GPC6: variants seen among roughly 807,000 people sequenced by gnomAD.
GPC6 encodes the protein glypican 6.
A neutral mutation model predicts 55.2 loss-of-function variants in GPC6; 14 were observed. The observed-to-expected ratio is 0.25, with a 90% CI of 0.17 to 0.40. GPC6 has a LOEUF of 0.40. Among genes scored for constraint, GPC6 ranks in the 10% least tolerant of loss-of-function variants. GPC6 has a pLI of 1.00. For missense variants in GPC6, 641 were observed against 708.5 expected (o/e 0.90, Z 1.08); for synonymous variants, 278 against 259.6 (o/e 1.07, Z -0.68).
At chr13:93,823,574 G>C (rs1230759829) in intron 2 of GPC6, among the ~76,000 whole-genome samples, 1 of 152,090 alleles carries the variant, frequency 6.6e-6, no homozygotes. Flanking sequence ...CTTGAAATTA[G>C]CATCATTCAC....
At chr13:94,038,880 A>G (rs1289309847) in intron 4 of GPC6, among the ~76,000 whole-genome samples, 1 of 151,996 alleles carries the variant, frequency 6.6e-6, no homozygotes, top group Non-Finnish European at 1.5e-5. Context: ...AAACCAGTGG[A>G]GAATTATCAA....
At chr13:93,620,109 A>G (rs188208749) in intron 2 of GPC6, among the ~76,000 whole-genome samples, 216 of 152,286 alleles carry the variant, frequency 1.4e-3, no homozygotes, top group African/African-American at 4.1e-3. Context: ...GTAGAATCTC[A>G]TACATAGCCA....
chr13:94,092,258 T>G (rs2138813407), intron 4 of GPC6, among the ~76,000 whole-genome samples: 1 of 152,152 alleles, frequency 6.6e-6, no homozygotes, highest in South Asian at 2.1e-4. Flanking sequence ...CTAGCATAAC[T>G]GAAACTTTGT....
At chr13:94,288,009 C>G (rs1892578095) in intron 5 of GPC6, among the ~76,000 whole-genome samples, 1 of 152,128 alleles carries the variant, frequency 6.6e-6, no homozygotes, top group Non-Finnish European at 1.5e-5. Context: ...CCTTTTCATT[C>G]CATTCATTCA....
At chr13:93,639,713 T>G (rs1420368120) in intron 2 of GPC6, among the ~76,000 whole-genome samples, 2 of 152,140 alleles carry the variant, frequency 1.3e-5, no homozygotes, top group African/African-American at 4.8e-5. Flanking sequence ...ATTGCCCGTT[T>G]TGTAGATGGC....
chr13:93,217,491 A>T, the GPC6 span, among the ~76,000 whole-genome samples: 5 of 152,200 alleles, frequency 3.3e-5, no homozygotes, highest in Admixed American at 1.3e-4. Context: ...TTCTTACTGT[A>T]TTCAAATGTT....
chr13:93,376,306 A>G (rs571614470), intron 1 of GPC6, among the ~76,000 whole-genome samples: 1 of 152,270 alleles, frequency 6.6e-6, no homozygotes, highest in Admixed American at 6.5e-5. Flanking sequence ...TTTATTCACA[A>G]TATCCATATT....
intron 3 of GPC6, among the ~76,000 whole-genome samples, chr13:93,965,267 C>T (rs1363721316): frequency 2.0e-5 from 3 of 151,484 alleles, no homozygotes; most frequent in East Asian, 2.0e-4. Context: ...AAAAATTAGC[C>T]GGGCATGGTG....
chr13:93,480,248 A>G (rs1196749682), intron 1 of GPC6, among the ~76,000 whole-genome samples: 1 of 152,190 alleles, frequency 6.6e-6, no homozygotes, highest in Non-Finnish European at 1.5e-5. Flanking sequence ...ATTGTTCTCA[A>G]TGCATTGTAG....
intron 3 of GPC6, among the ~76,000 whole-genome samples, chr13:93,846,560 C>G (rs1310368274): frequency 1.3e-5 from 2 of 152,150 alleles, no homozygotes; most frequent in African/African-American, 4.8e-5. Context: ...CGCCTGTAAT[C>G]CCAGCAATTT....
chr13:93,744,973 C>G (rs746539532), intron 2 of GPC6, among the ~76,000 whole-genome samples: 2 of 151,768 alleles, frequency 1.3e-5, no homozygotes, highest in Non-Finnish European at 1.5e-5. Context: ...AATCCATTTC[C>G]TTCTCTCCAT....
At chr13:93,938,889 G>T (rs1878577248) in intron 3 of GPC6, among the ~76,000 whole-genome samples, 1 of 152,098 alleles carries the variant, frequency 6.6e-6, no homozygotes, top group African/African-American at 2.4e-5. Flanking sequence ...GGATCACAAA[G>T]TCAAGAGATG....
intron 4 of GPC6, among the ~76,000 whole-genome samples, chr13:94,138,543 C>A (rs1308014298): frequency 6.6e-6 from 1 of 152,134 alleles, no homozygotes; most frequent in Non-Finnish European, 1.5e-5. Context: ...CTTTCAAGTA[C>A]CTTCTTCATC....
intron 6 of GPC6, among the ~76,000 whole-genome samples, chr13:94,351,187 TGAG>T (rs1184353286): frequency 1.3e-5 from 2 of 151,508 alleles, no homozygotes; most frequent in Non-Finnish European, 2.9e-5. Context: ...CAAAAGAAAC[TGAG>T]GAGAAGGAAC....
At chr13:93,526,678 C>T (rs1295151119) in intron 1 of GPC6, among the ~76,000 whole-genome samples, 1 of 152,038 alleles carries the variant, frequency 6.6e-6, no homozygotes, top group African/African-American at 2.4e-5. Flanking sequence ...GCAACATTTG[C>T]CCTTCAAAGA....
chr13:93,991,572 T>G (rs953225682), intron 3 of GPC6, among the ~76,000 whole-genome samples: 1 of 152,178 alleles, frequency 6.6e-6, no homozygotes, highest in African/African-American at 2.4e-5. Flanking sequence ...ACAATTGACT[T>G]ATAGGAAGTT....
chr13:94,083,398 A>G (rs9589900), intron 4 of GPC6, among the ~76,000 whole-genome samples: 22,253 of 152,166 alleles, frequency 0.15, 1,968 homozygotes, highest in East Asian at 0.39. Context: ...GATTACAGGC[A>G]TGAGCCACTG....
At chr13:93,292,606 G>A (rs1443038448) in intron 1 of GPC6, among the ~76,000 whole-genome samples, 1 of 152,062 alleles carries the variant, frequency 6.6e-6, no homozygotes, top group African/African-American at 2.4e-5. Context: ...TGGAATAAAT[G>A]GGTTGTGAAA....
chr13:93,682,886 T>C (rs1473721097), intron 2 of GPC6, among the ~76,000 whole-genome samples: 1 of 149,596 alleles, frequency 6.7e-6, no homozygotes, highest in East Asian at 2.0e-4. Context: ...GGTGTGGTAG[T>C]GCACGCCTGT....
Sources: gnomAD v4.1 joint callset for allele counts (sites outside exome capture counted in the v4.1 genomes callset) on GRCh38, gnomAD v4.1.1 for gene constraint, MANE v1.5 for transcripts, NCBI Gene and HGNC (gene_info 2026-07-23, HGNC 2026-07-21) for gene names.